LARS2: variants seen among roughly 807,000 people sequenced by gnomAD.
LARS2 encodes leucine--tRNA ligase, mitochondrial.
A neutral mutation model predicts 116.6 loss-of-function variants in LARS2; 81 were observed. The observed-to-expected ratio is 0.69, with a 90% CI of 0.58 to 0.84. The LOEUF (loss-of-function observed/expected upper bound fraction) is 0.84, where lower values mean the gene tolerates loss of function less well. Ranked by LOEUF, LARS2 falls within the 40% of genes least tolerant of loss-of-function variation. LARS2 has a pLI of 0.00. For synonymous variants in LARS2, 396 were observed against 407.2 expected (o/e 0.97, Z 0.33); for missense variants, 968 against 1,114.5 (o/e 0.87, Z 1.87).
chr3:45,511,471 G>A (rs1048832420), intron 15 of LARS2, among the ~76,000 whole-genome samples: 1 of 152,114 alleles, frequency 6.6e-6, no homozygotes, highest in Non-Finnish European at 1.5e-5. Flanking sequence ...TGCTAATTGG[G>A]CTGAATGCCA....
In LARS2 at chr3:45,548,701, T is replaced by C. The variant is rs138293806; in HGVS notation, c.*1171T>C. 1.8e-4 allele frequency: 28 copies of C among 152,366 alleles called. No individual in the cohort carries two copies. Among genetic ancestry groups the C allele is most frequent in the African/African-American group, 6.7e-4 (28 of 41,590 alleles). 9.4% of individuals were successfully genotyped at this position (152,366 alleles called of 1,614,324 possible). ...TAATGAGGGAAGGTAGGGGAGAATCTAGCCATTTTATAATGCCAGAAATCT... is the reference window on the plus strand; with the variant it reads ...TAATGAGGGAAGGTAGGGGAGAATCCAGCCATTTTATAATGCCAGAAATCT... On this transcript the variant is annotated 3_prime_UTR_variant, in exon 22 of 22. Transcript: ENST00000645846.
chr3:45,521,514 G>C (rs1274002221), intron 19 of LARS2, among the ~76,000 whole-genome samples: 2 of 152,032 alleles, frequency 1.3e-5, no homozygotes, highest in Non-Finnish European at 2.9e-5. Flanking sequence ...TTTCAAATTT[G>C]ACTACATAAA....
chr3:45,523,098 A>G (rs1184305042), intron 19 of LARS2, among the ~76,000 whole-genome samples: 1 of 152,098 alleles, frequency 6.6e-6, no homozygotes, highest in Non-Finnish European at 1.5e-5. Flanking sequence ...AGTGTGTGTT[A>G]GTTTTTTAAT....
intron 4 of LARS2, among the ~76,000 whole-genome samples, chr3:45,402,562 T>C (rs189984800): frequency 1.2e-4 from 18 of 152,320 alleles, no homozygotes; most frequent in Non-Finnish European, 2.5e-4. Flanking sequence ...TTTAGCAAGG[T>C]AAGTACATCC....
At position 45,516,107 on chromosome 3, in the gene LARS2, T is replaced by C; in HGVS notation, c.1875T>C (p.Val625=). ...TTTGGCATCTAGGTTCCGTTCCTGT[T>C]CATGCAAAAACGAAAGAGAAGTTAG... is the stretch of plus-strand genomic sequence containing the variant. ...EEVDLTGSVP[V]HAKTKEKLEV... The change falls in exon 17 of 22, where the codon GTT becomes GTC. Residue 625 remains valine, a synonymous_variant. Transcript: ENST00000645846. 1 of 1,614,114 alleles carries C rather than the reference T, an allele frequency of 6.2e-7. No individual in the cohort carries two copies.
chr3:45,394,111 G>A (rs1698004130), intron 2 of LARS2, among the ~76,000 whole-genome samples: 3 of 152,220 alleles, frequency 2.0e-5, no homozygotes, highest in Non-Finnish European at 4.4e-5. Context: ...CCCTGGGCTG[G>A]CCCATGGGGA....
intron 21 of LARS2, among the ~76,000 whole-genome samples, chr3:45,543,463 A>AT (rs774896406): frequency 1.4e-5 from 2 of 138,412 alleles, no homozygotes; most frequent in South Asian, 2.3e-4. Flanking sequence ...TTTTTTTTTT[A>AT]TTTTTTTATT....
At chr3:45,520,622 C>T (rs529555396) in intron 19 of LARS2, among the ~76,000 whole-genome samples, 12 of 152,198 alleles carry the variant, frequency 7.9e-5, no homozygotes, top group Non-Finnish European at 1.8e-4. Context: ...TGGCTCTTTG[C>T]ACCCCCGCTG....
chr3:45,529,995 T>G (rs947991412), intron 20 of LARS2, among the ~76,000 whole-genome samples: 5 of 152,180 alleles, frequency 3.3e-5, no homozygotes, highest in African/African-American at 1.2e-4. Flanking sequence ...GCATCCTGTC[T>G]GGACAGACTT....
chr3:45,459,110 G>A (rs780503929), intron 8 of LARS2, among the ~76,000 whole-genome samples: 13 of 152,152 alleles, frequency 8.5e-5, no homozygotes, highest in Non-Finnish European at 1.6e-4. Flanking sequence ...GGTCATTGTA[G>A]GCCATTGTTT....
chr3:45,494,224 C>T (rs1334298070), intron 13 of LARS2, among the ~76,000 whole-genome samples: 1 of 152,164 alleles, frequency 6.6e-6, no homozygotes, highest in Admixed American at 6.5e-5. Context: ...GCTCTCTGCT[C>T]AGCCACTGCA....
intron 19 of LARS2, among the ~76,000 whole-genome samples, chr3:45,523,680 C>G (rs1205871204): frequency 2.0e-5 from 3 of 152,072 alleles, no homozygotes; most frequent in Admixed American, 2.0e-4. Context: ...GTGTGTGCAA[C>G]TGTGCCTGGC....
At chr3:45,442,706 T>C (rs1260165596) in intron 6 of LARS2, among the ~76,000 whole-genome samples, 1 of 152,204 alleles carries the variant, frequency 6.6e-6, no homozygotes, top group Non-Finnish European at 1.5e-5. Context: ...CTGCAAGTCA[T>C]GCTTAACAGA....
chr3:45,482,994 C>T (rs1242929998), intron 10 of LARS2, among the ~76,000 whole-genome samples: 1 of 152,220 alleles, frequency 6.6e-6, no homozygotes, highest in Admixed American at 6.5e-5. Flanking sequence ...GAGGCCGTGA[C>T]CTAGCAGTTG....
intron 2 of LARS2, among the ~76,000 whole-genome samples, chr3:45,392,872 G>A (rs1028348636): frequency 1.1e-4 from 17 of 152,058 alleles, no homozygotes; most frequent in African/African-American, 1.7e-4. Context: ...TTAGAGTGCC[G>A]GGTTTCTTTA....
intron 12 of LARS2, among the ~76,000 whole-genome samples, chr3:45,489,814 A>T (rs759376348): frequency 1.3e-5 from 2 of 152,170 alleles, no homozygotes; most frequent in Non-Finnish European, 2.9e-5. Context: ...TGAGGGGGGC[A>T]TGGATCAGAC....
At chr3:45,529,583 T>G (rs1700584601) in intron 20 of LARS2, among the ~76,000 whole-genome samples, 2 of 151,974 alleles carry the variant, frequency 1.3e-5, no homozygotes, top group South Asian at 4.2e-4. Flanking sequence ...ATAGCTAATG[T>G]TTACGTGCAA....
Position 45,489,751 on chromosome 3 carries a change from A to C in LARS2, c.1239+939A>C, listed in dbSNP as rs141708476. 1.8e-3 allele frequency among the ~76,000 whole-genome samples: 279 copies of C among 152,310 alleles called. 1 individual carries two copies. Among genetic ancestry groups the C allele is most frequent in the African/African-American group, 5.8e-3 (243 of 41,560 alleles). On this transcript the variant is annotated intron_variant, in intron 12 of 21. Coordinates refer to ENST00000645846, the MANE Select transcript of LARS2 (RefSeq NM_015340.4). ...GGAAACACCTGAGAGTTTTAAAATA[A>C]TACTGATGCCTGGGTCTCACTCCAG...
intron 8 of LARS2, among the ~76,000 whole-genome samples, chr3:45,464,954 G>A (rs3774694): frequency 0.24 from 36,598 of 151,908 alleles, 5,630 homozygotes; most frequent in Non-Finnish European, 0.33. Context: ...GCCCCTCTGT[G>A]GTCAGACAGG....
Sources: allele counts gnomAD v4.1 joint callset (sites outside exome capture counted in the v4.1 genomes callset), GRCh38; gene constraint gnomAD v4.1.1; transcripts MANE v1.5; gene names NCBI Gene and HGNC (gene_info 2026-07-23, HGNC 2026-07-21).